Variants in CYP7A1 observed in about 807,000 individuals in gnomAD.
CYP7A1 encodes cytochrome P450 7A1.
In CYP7A1, 28 loss-of-function variants were observed where a neutral mutation model predicts 43.8. The ratio of observed to expected loss-of-function variants is 0.64; its 90% CI spans 0.47 to 0.88. CYP7A1 has a LOEUF of 0.88. Among genes scored for constraint, CYP7A1 ranks in the 40% least tolerant of loss-of-function variants. The pLI is 0.00. For missense variants in CYP7A1, 637 were observed against 611.9 expected, an observed-to-expected ratio of 1.04 and a Z score of -0.43; for synonymous variants, 227 against 222.5, an observed-to-expected ratio of 1.02 and a Z score of -0.18.
Position 58,491,937 on chromosome 8 carries a change from C to T in CYP7A1, c.1216-163G>A, listed in dbSNP as rs186058679. Among the ~76,000 whole-genome samples the T allele has an allele frequency of 4.3e-3, 648 of 152,262 alleles. 6 individuals are homozygous for T. The highest frequency in any genetic ancestry group is 4.2e-3 in the Non-Finnish European group (288 of 68,038). On this transcript the variant is annotated intron_variant, in intron 5 of 5. Coordinates refer to ENST00000301645, the MANE Select transcript of CYP7A1 (RefSeq NM_000780.4). ...ATCAGAAAGTAATAAGGAACAGGAG[C>T]TTAATGAGCTAAGGAAGCCTTGTGA... is the stretch of plus-strand genomic sequence containing the variant.
intron 2 of CYP7A1, among the ~76,000 whole-genome samples, chr8:58,497,967 C>T (rs951502419): frequency 2.0e-5 from 3 of 152,182 alleles, no homozygotes; most frequent in African/African-American, 4.8e-5. Flanking sequence ...ACAGTGCCAC[C>T]TGTCTCAGTA....
rs908982662 is a variant in CYP7A1 at position 58,492,499 on chromosome 8, A to G, written c.1069T>C (p.Ser357Pro). 6.2e-7 allele frequency: 1 copy of G among 1,614,102 alleles called. No individual in the cohort carries two copies. Among genetic ancestry groups the G allele is most frequent in the Non-Finnish European group, 8.5e-7 (1 of 1,179,952 alleles). Residue 357 changes from serine (S) to proline (P), a missense_variant, in exon 5 of 6, where the codon TCC becomes CCC. Physicochemically the swap from Ser to Pro is moderately conservative, Grantham distance 74. Transcript: ENST00000301645. ...DSIIKESLRL[S>P]SASLNIRTAK... is the part of the protein sequence containing the mutation. ...GTCCGGATGTTGAGGGAGGCACTGG[A>G]AAGCCTCAGCGATTCCTTGATTATA... is the stretch of plus-strand genomic sequence containing the variant.
At chr8:58,492,216 A>G in intron 5 of CYP7A1, 137 bp downstream of exon 5, 2 of 868,848 alleles carry the variant, frequency 2.3e-6, no homozygotes, top group South Asian at 2.9e-5. Flanking sequence ...TCCAAAATAT[A>G]TGAATATTTA....
At position 58,496,947 on chromosome 8, in the gene CYP7A1, CAA is replaced by C; in HGVS notation, c.563_564del (p.Phe188TrpfsTer19). On this transcript the variant is annotated frameshift_variant, in exon 3 of 6. Coordinates refer to ENST00000301645, the MANE Select transcript of CYP7A1 (RefSeq NM_000780.4). LOFTEE classifies it high-confidence loss of function. ...GTGTCCCGCCTTGTAAGATCTCTGC[CAA>C]AGATAGTTAAATACCCAGCTTCAAA... ...VMFEAGYLTI[F>X]GRDLTRRDTQ... The C allele has an allele frequency of 3.1e-6, 5 of 1,614,126 alleles. No homozygotes were observed. Among genetic ancestry groups the C allele is most frequent in the Non-Finnish European group, 3.4e-6 (4 of 1,180,024 alleles).
Position 58,500,107 on chromosome 8 carries a change from T to C in CYP7A1, c.-9A>G. 6.2e-7 allele frequency: 1 copy of C among 1,610,588 alleles called. No homozygotes were observed. ...AAAGATGTGGTCATCATTTTGCAAATCTAGGCCAAAATCTCTGAGGAAGAA... is the reference window on the plus strand; with the variant it reads ...AAAGATGTGGTCATCATTTTGCAAACCTAGGCCAAAATCTCTGAGGAAGAA... On this transcript the variant is annotated 5_prime_UTR_variant, in exon 1 of 6. Transcript: ENST00000301645.
rs759086567 is a variant in CYP7A1, at chr8:58,497,032, G to T, written c.480C>A (p.Asn160Lys). Residue 160 changes from asparagine to lysine, a missense_variant, in exon 3 of 6, where the codon AAC (asparagine) becomes AAA (lysine). Asn to Lys is a moderately conservative substitution (Grantham distance 94). Coordinates refer to ENST00000301645, the MANE Select transcript of CYP7A1 (RefSeq NM_000780.4). ...QRIMRPPVSSNSKTAAWVTEG... is the reference protein window; with the variant it reads ...QRIMRPPVSSKSKTAAWVTEG... ...CTGTCACCCAGGCAGCGGTCTTTGA[G>T]TTAGAGGAGACTGGAGGTCTCATGA... The T allele has an allele frequency of 6.2e-7, 1 of 1,610,086 alleles. No homozygotes were observed. The highest frequency in any genetic ancestry group is 8.5e-7 in the Non-Finnish European group (1 of 1,180,008).
rs767467704 is a variant in CYP7A1, at chr8:58,498,432, G to A, written c.118C>T (p.Pro40Ser). The part of the protein sequence containing the change: ...GEPPLENGLI[P>S]YLGCALQFGA... ...AATTGCAGAGCACAGCCCAGGTATG[G>A]AATTAATCCATTCTCTAGAGGTGGT... The change falls in exon 2 of 6, where the codon CCA becomes TCA. Residue 40 changes from proline (P) to serine (S), a missense_variant. Pro to Ser is a moderately conservative substitution (Grantham distance 74). Transcript: ENST00000301645. 6.2e-7 allele frequency: 1 copy of A among 1,614,090 alleles called. No individual in the cohort carries two copies. The highest frequency in any genetic ancestry group is 1.1e-5 in the South Asian group (1 of 91,080).
chr8:58,494,937 C>G (rs1022155816), intron 3 of CYP7A1, among the ~76,000 whole-genome samples: 1 of 151,930 alleles, frequency 6.6e-6, no homozygotes, highest in Non-Finnish European at 1.5e-5. Context: ...AGTTTGAGAC[C>G]AGCCTGACCA....
In CYP7A1 at chr8:58,497,082, T is replaced by C; in HGVS notation, c.430A>G (p.Ser144Gly). Reference protein sequence around the residue: ...QGHALNSLTESMMENLQRIMR... With the variant: ...QGHALNSLTEGMMENLQRIMR... The stretch of plus-strand genomic sequence containing the variant: ...ATACGTTGGAGGTTTTCCATCATGC[T>C]TTCCGTGAGGGAATTCAAGGCATGG... The change falls in exon 3 of 6, where the codon AGC becomes GGC. Residue 144 changes from serine (S) to glycine (G), a missense_variant. Coordinates refer to ENST00000301645, the MANE Select transcript of CYP7A1 (RefSeq NM_000780.4). 6.2e-7 allele frequency: 1 copy of C among 1,602,098 alleles called. No homozygotes were observed. The highest frequency in any genetic ancestry group is 8.5e-7 in the Non-Finnish European group (1 of 1,179,918).
At position 58,494,574 on chromosome 8, in the gene CYP7A1, T is replaced by C. The variant is rs773812952; in HGVS notation, c.971A>G (p.Gln324Arg). Reference sequence around the variant, plus strand: ...AGGATTGCCTTCCAAGCTGACTTTTTGACCAGCATTCTCTAATGTTCTTTT... The same window carrying C: ...AGGATTGCCTTCCAAGCTGACTTTTCGACCAGCATTCTCTAATGTTCTTTT... ...EVKRTLENAG[Q>R]KVSLEGNPIC... The change falls in exon 4 of 6, where the codon CAA (glutamine) becomes CGA (arginine). Residue 324 changes from glutamine to arginine, a missense_variant. Transcript: ENST00000301645. The C allele has an allele frequency of 6.2e-7, 1 of 1,614,154 alleles. No homozygotes were observed. Among genetic ancestry groups the C allele is most frequent in the Non-Finnish European group, 8.5e-7 (1 of 1,180,006 alleles).
intron 3 of CYP7A1, among the ~76,000 whole-genome samples, chr8:58,495,536 G>A (rs1809428528): frequency 6.6e-6 from 1 of 152,258 alleles, no homozygotes; most frequent in South Asian, 2.1e-4. Flanking sequence ...CCTGGTCAGG[G>A]CTTTTATAAA....
At chr8:58,492,243 A>G in intron 5 of CYP7A1, 110 bp downstream of exon 5, 1 of 1,040,028 alleles carries the variant, frequency 9.6e-7, no homozygotes. Context: ...TTAAGCAGAC[A>G]ATTCCTGTGA....
chr8:58,491,682 G>A lies in CYP7A1; in HGVS notation c.1308C>T (p.Pro436=). 1 of 1,614,010 alleles carries A rather than the reference G, an allele frequency of 6.2e-7. No individual in the cohort carries two copies. Among genetic ancestry groups the A allele is most frequent in the Non-Finnish European group, 8.5e-7 (1 of 1,179,894 alleles). ...NGLKLKYYYM[P]FGSGATICPG... is the part of the protein sequence containing the mutation. Reference sequence around the variant, plus strand: ...GACATATTGTAGCTCCCGATCCAAAGGGCATGTAGTAATACTTTAACTTGA... The same window carrying A: ...GACATATTGTAGCTCCCGATCCAAAAGGCATGTAGTAATACTTTAACTTGA... The change falls in exon 6 of 6, where the codon CCC becomes CCT. Residue 436 remains proline (P), a synonymous_variant. Transcript: ENST00000301645.
Position 58,500,075 on chromosome 8 carries a change from C to A in CYP7A1, c.24G>T (p.Trp8Cys). Reference protein sequence around the residue: MMTTSLIWGIAIAACCCL... With the variant: MMTTSLICGIAIAACCCL... ...AACAGCATGCTGCTATAGCAATCCC[C>A]CAAATCAAAGATGTGGTCATCATTT... The change falls in exon 1 of 6, where the codon TGG (tryptophan) becomes TGT (cysteine). Residue 8 changes from tryptophan to cysteine, a missense_variant. Physicochemically the swap from Trp to Cys is radical, Grantham distance 215 (BLOSUM62 -2). Coordinates refer to ENST00000301645, the MANE Select transcript of CYP7A1 (RefSeq NM_000780.4). The A allele has an allele frequency of 6.2e-7, 1 of 1,612,948 alleles. No individual in the cohort carries two copies.
intron 4 of CYP7A1, 76 bp downstream of exon 4, chr8:58,494,430 A>G: frequency 6.7e-7 from 1 of 1,486,606 alleles, no homozygotes; most frequent in East Asian, 2.3e-5. Flanking sequence ...TTCGGTAAGT[A>G]TATAATTTAT....
Position 58,498,271 on chromosome 8 carries a change from T to G in CYP7A1, c.279A>C (p.Lys93Asn). Residue 93 changes from lysine (K) to asparagine (N), a missense_variant, in exon 2 of 6, where the codon AAA becomes AAC. By Grantham distance (94) the Lys-to-Asn change is moderately conservative. Coordinates refer to ENST00000301645, the MANE Select transcript of CYP7A1 (RefSeq NM_000780.4). Reference protein sequence around the residue: ...LSYHKVLCHGKYFDWKKFHFA... With the variant: ...LSYHKVLCHGNYFDWKKFHFA... ...AGTGAAATTTTTTCCAATCAAAATATTTTCCGTGGCACAACACCTTATGGT... is the reference window on the plus strand; with the variant it reads ...AGTGAAATTTTTTCCAATCAAAATAGTTTCCGTGGCACAACACCTTATGGT... The G allele has an allele frequency of 6.2e-7, 1 of 1,614,160 alleles. No homozygotes were observed. The highest frequency in any genetic ancestry group is 8.5e-7 in the Non-Finnish European group (1 of 1,180,016).
intron 4 of CYP7A1, among the ~76,000 whole-genome samples, chr8:58,493,999 A>AAAAT (rs1256743188): frequency 6.6e-6 from 1 of 152,174 alleles, no homozygotes; most frequent in African/African-American, 2.4e-5. Flanking sequence ...GACTTTGTCA[A>AAAAT]AAATAAATAA....
intron 4 of CYP7A1, among the ~76,000 whole-genome samples, chr8:58,493,575 T>C (rs1809390893): frequency 6.6e-6 from 1 of 152,154 alleles, no homozygotes; most frequent in African/African-American, 2.4e-5. Flanking sequence ...ATTTTACAGA[T>C]AAGAAAAGTA....
Position 58,496,715 on chromosome 8 carries a change from G to A in CYP7A1, c.797C>T (p.Thr266Ile). 6.2e-7 allele frequency: 1 copy of A among 1,614,244 alleles called. No individual in the cohort carries two copies. The highest frequency in any genetic ancestry group is 1.1e-5 in the South Asian group (1 of 91,088). The change falls in exon 3 of 6, where the codon ACT becomes ATT. Residue 266 changes from threonine (T) to isoleucine (I), a missense_variant. By Grantham distance (89) the Thr-to-Ile change is moderately conservative. Transcript: ENST00000301645. The stretch of plus-strand genomic sequence containing the variant: ...CTCCAGATCATCAAAGGTGGACAAA[G>A]TGTCATTGAGAAACATGCGCAGGCT... The part of the protein sequence containing the change: ...LISLRMFLND[T>I]LSTFDDLEKA...
Sources: gnomAD v4.1 joint callset for allele counts (sites outside exome capture counted in the v4.1 genomes callset) on GRCh38, gnomAD v4.1.1 for gene constraint, MANE v1.5 for transcripts, NCBI Gene and HGNC (gene_info 2026-07-23, HGNC 2026-07-21) for gene names.